Variants in PRKAG2 observed in about 807,000 individuals in gnomAD.
The protein encoded by PRKAG2 is protein kinase AMP-activated non-catalytic subunit gamma 2, also known as 5'-AMP-activated protein kinase subunit gamma-2.
PRKAG2 carries 26 observed loss-of-function variants against 69.6 expected under a neutral mutation model. The observed-to-expected ratio is 0.37, with a 90% CI of 0.27 to 0.52. The LOEUF (loss-of-function observed/expected upper bound fraction) is 0.52. PRKAG2 is among the 20% of genes least tolerant of loss of function. The pLI is 0.90. For synonymous variants in PRKAG2, 293 were observed against 285.0 expected (o/e 1.03, Z -0.28); for missense variants, 557 against 740.0 (o/e 0.75, Z 2.87).
intron 1 of PRKAG2, among the ~76,000 whole-genome samples, chr7:151,797,844 C>G (rs181502314): frequency 2.3e-3 from 352 of 152,336 alleles, no homozygotes; most frequent in Middle Eastern, 0.02. Context: ...GGCCACGGCT[C>G]TTCACACTGA....
Position 151,567,024 on chromosome 7 carries a change from A to C in PRKAG2, c.1234-1139T>G, listed in dbSNP as rs565086022. ...CTTTTTATAGAAGATAAAAATCTGAAGCAGCTCTGCAAAAGAATGATCTCA... is the reference window on the plus strand; with the variant it reads ...CTTTTTATAGAAGATAAAAATCTGACGCAGCTCTGCAAAAGAATGATCTCA... On this transcript the variant is annotated intron_variant, in intron 11 of 15. Transcript: ENST00000287878. The surrounding 1 kb of genome is among the most constrained non-coding windows in gnomAD (Gnocchi z 4.2). Among the ~76,000 whole-genome samples, 1 of 152,228 alleles carries C rather than the reference A, an allele frequency of 6.6e-6. No homozygotes were observed. The highest frequency in any genetic ancestry group is 2.1e-4 in the South Asian group (1 of 4,832).
chr7:151,707,692 C>T (rs1357159062), intron 3 of PRKAG2, among the ~76,000 whole-genome samples: 2 of 152,206 alleles, frequency 1.3e-5, no homozygotes, highest in Admixed American at 6.5e-5. Context: ...AGAACTGGGT[C>T]CTCACCACTG....
chr7:151,653,275 T>A (rs1289288795), intron 4 of PRKAG2, among the ~76,000 whole-genome samples: 1 of 152,190 alleles, frequency 6.6e-6, no homozygotes, highest in African/African-American at 2.4e-5. Context: ...ATACGTTAGC[T>A]TTTTGCCTAA....
rs377013811 is a variant in PRKAG2 at position 151,807,525 on chromosome 7, C to T, written c.115-20984G>A. On this transcript the variant is annotated intron_variant, in intron 1 of 15. Transcript: ENST00000287878. The surrounding 1 kb of genome is among the most constrained non-coding windows in gnomAD (Gnocchi z 4.4). ...CACACTGCCCCTTCTTCCCAACCTA[C>T]GAGCTGAAATGGCCAGCACTGCGCC... 248 of 457,860 alleles carry T rather than the reference C, an allele frequency of 5.4e-4. 1 individual carries two copies. Among genetic ancestry groups the T allele is most frequent in the Admixed American group, 9.2e-4 (39 of 42,586 alleles). The allele number at this position is 457,860 out of a possible 1,614,324, so 28.4% of individuals were successfully genotyped here. A position where few individuals can be genotyped will look rare whatever the true frequency, so the allele number is the denominator to read the frequency against.
At chr7:151,624,186 T>G (rs1248076574) in intron 5 of PRKAG2, among the ~76,000 whole-genome samples, 1 of 151,580 alleles carries the variant, frequency 6.6e-6, no homozygotes, top group Non-Finnish European at 1.5e-5. Flanking sequence ...ATATATTTTT[T>G]TTTTCAGATA....
Position 151,835,848 on chromosome 7 carries a change from G to C in PRKAG2, c.114+40659C>G, listed in dbSNP as rs566542695. Among the ~76,000 whole-genome samples, 1 of 152,214 alleles carries C rather than the reference G, an allele frequency of 6.6e-6. No homozygotes were observed. The highest frequency in any genetic ancestry group is 6.5e-5 in the Admixed American group (1 of 15,282). On this transcript the variant is annotated intron_variant, in intron 1 of 15. Coordinates refer to ENST00000287878, the MANE Select transcript of PRKAG2 (RefSeq NM_016203.4). The surrounding 1 kb of genome is among the most constrained non-coding windows in gnomAD (Gnocchi z 4.1). The stretch of plus-strand genomic sequence containing the variant: ...GATGGCAGATTGCTGGCTGCTCACC[G>C]TGATGAAAGTGCATCTGTCCCACAA...
intron 1 of PRKAG2, among the ~76,000 whole-genome samples, chr7:151,848,512 CTTTTTTTTTTTTTTTT>C (rs1158559692): frequency 3.2e-5 from 2 of 62,226 alleles, no homozygotes; most frequent in African/African-American, 1.4e-4. Flanking sequence ...TACTGCATGT[CTTTTTTTTTTTTTTTT>C]TTTTTTTTTT....
At chr7:151,750,045 C>A (rs562886631) in intron 3 of PRKAG2, among the ~76,000 whole-genome samples, 1 of 144,196 alleles carries the variant, frequency 6.9e-6, no homozygotes, top group African/African-American at 2.6e-5. Context: ...TGTAGTGAGC[C>A]GAGATGGTGC....
chr7:151,822,834 T>A (rs2151866376), intron 1 of PRKAG2, among the ~76,000 whole-genome samples: 1 of 149,434 alleles, frequency 6.7e-6, no homozygotes, highest in South Asian at 2.2e-4. Context: ...TCACACTCCC[T>A]CCCTCCCCAC....
intron 4 of PRKAG2, among the ~76,000 whole-genome samples, chr7:151,673,902 G>T (rs1019028088): frequency 6.8e-6 from 1 of 146,376 alleles, no homozygotes; most frequent in Middle Eastern, 3.7e-3. Flanking sequence ...GAGTGCAGTG[G>T]TGCAATCTCG....
intron 3 of PRKAG2, among the ~76,000 whole-genome samples, chr7:151,745,430 G>C (rs952887771): frequency 6.6e-6 from 1 of 152,210 alleles, no homozygotes; most frequent in African/African-American, 2.4e-5. Flanking sequence ...GCCCCAGGAG[G>C]TGTTTATGAG....
At chr7:151,825,870 C>T (rs76737291) in intron 1 of PRKAG2, among the ~76,000 whole-genome samples, 27,688 of 152,184 alleles carry the variant, frequency 0.18, 3,098 homozygotes, top group Middle Eastern at 0.26. Flanking sequence ...GGCTTCTTCA[C>T]TCCCTTTCCT....
At chr7:151,840,429 TCAATCATAGCTGGGTGGGG>T (rs1449314706) in intron 1 of PRKAG2, among the ~76,000 whole-genome samples, 6 of 152,192 alleles carry the variant, frequency 3.9e-5, no homozygotes, top group Non-Finnish European at 8.8e-5. Context: ...TCATCCAGGC[TCAATCATAGCTGGGTGGGG>T]CAATCATAGC....
chr7:151,794,800 C>T (rs770700530), intron 1 of PRKAG2, among the ~76,000 whole-genome samples: 11 of 152,232 alleles, frequency 7.2e-5, no homozygotes, highest in East Asian at 3.8e-4. Context: ...ACAGCATGGC[C>T]GCTGCCAGAG....
intron 1 of PRKAG2, among the ~76,000 whole-genome samples, chr7:151,871,749 G>A (rs926521819): frequency 4.6e-5 from 7 of 152,164 alleles, no homozygotes; most frequent in Admixed American, 6.5e-5. Context: ...GACAGGAAGC[G>A]GGCAGTGGGG....
chr7:151,745,029 G>A (rs2151722010), intron 3 of PRKAG2, among the ~76,000 whole-genome samples: 1 of 152,316 alleles, frequency 6.6e-6, no homozygotes. Flanking sequence ...CAGCTTGTGG[G>A]ATTGTGGGGG....
chr7:151,724,903 C>T (rs933199966), intron 3 of PRKAG2, among the ~76,000 whole-genome samples: 2 of 152,096 alleles, frequency 1.3e-5, no homozygotes, highest in Non-Finnish European at 2.9e-5. Flanking sequence ...CGGGGCGTGG[C>T]GGGGCTGCTC....
chr7:151,822,842 C>T (rs866473884), intron 1 of PRKAG2, among the ~76,000 whole-genome samples: 1 of 149,246 alleles, frequency 6.7e-6, no homozygotes, highest in Admixed American at 6.8e-5. Flanking sequence ...CCTCCCTCCC[C>T]ACAAAAGGTT....
intron 4 of PRKAG2, among the ~76,000 whole-genome samples, chr7:151,642,475 G>A (rs1207719811): frequency 6.6e-6 from 1 of 152,174 alleles, no homozygotes; most frequent in Non-Finnish European, 1.5e-5. Flanking sequence ...GCTGCAGTGA[G>A]CTGTGATCAC....
Sources: gnomAD v4.1 joint callset for allele counts (sites outside exome capture counted in the v4.1 genomes callset) on GRCh38, gnomAD v4.1.1 for gene constraint, Gnocchi (gnomAD v3.1) non-coding constraint, MANE v1.5 for transcripts, NCBI Gene and HGNC (gene_info 2026-07-23, HGNC 2026-07-21) for gene names.